FRMPD4: variants seen among roughly 807,000 people sequenced by gnomAD.
The protein encoded by FRMPD4 is FERM and PDZ domain-containing protein 4.
In FRMPD4, 22 loss-of-function variants were observed where a neutral mutation model predicts 94.1. That is an observed-to-expected ratio of 0.23 (90% CI 0.17 to 0.33). The LOEUF (loss-of-function observed/expected upper bound fraction) is 0.33. Ranked by LOEUF, FRMPD4 falls within the 10% of genes least tolerant of loss-of-function variation. The pLI is 1.00. For missense variants in FRMPD4, 1,111 were observed against 1,339.9 expected (o/e 0.83, Z 2.67); for synonymous variants, 631 against 548.6 (o/e 1.15, Z -2.10).
At chrX:11,999,818 T>A (rs1483109692) in intron 3 of FRMPD4, among the ~76,000 whole-genome samples, 1 of 111,768 alleles carries the variant, frequency 8.9e-6, no homozygotes, top group African/African-American at 3.3e-5. Context: ...CTCCCTCAAC[T>A]AAAAACCTCT....
intron 1 of FRMPD4, among the ~76,000 whole-genome samples, chrX:12,353,249 C>T (rs983691376): frequency 2.7e-4 from 30 of 111,994 alleles, no homozygotes; most frequent in African/African-American, 9.7e-4. Flanking sequence ...CTGTCATTGA[C>T]CAGCACAAGT....
At chrX:12,040,970 G>A (rs1284505557) in intron 3 of FRMPD4, among the ~76,000 whole-genome samples, 1 of 110,442 alleles carries the variant, frequency 9.1e-6, no homozygotes. Flanking sequence ...TTTCCCCATT[G>A]TTTTCTTAGT....
intron 4 of FRMPD4, among the ~76,000 whole-genome samples, chrX:12,632,258 A>G (rs891669030): frequency 1.3e-4 from 14 of 111,490 alleles, no homozygotes; most frequent in African/African-American, 4.6e-4. Flanking sequence ...GGATTTCCCA[A>G]CTTGAACCTG....
chrX:12,009,783 G>A lies in FRMPD4; in HGVS notation c.95+131765G>A, dbSNP rs550665878. On this transcript the variant is annotated intron_variant, in intron 3 of 18. Coordinates refer to the FRMPD4 transcript ENST00000640291. Reference sequence around the variant, plus strand: ...AATCAGTGTAACCAGCACAGGAAACGTACATTGCTTGTATCTTCTAAAGTG... The same window carrying A: ...AATCAGTGTAACCAGCACAGGAAACATACATTGCTTGTATCTTCTAAAGTG... Among the ~76,000 whole-genome samples the A allele has an allele frequency of 3.4e-3, 385 of 112,241 alleles. 2 individuals carry two copies. The highest frequency in any genetic ancestry group is 4.6e-3 in the Non-Finnish European group (247 of 53,214).
intron 2 of FRMPD4, among the ~76,000 whole-genome samples, chrX:12,527,439 C>T (rs1473713336): frequency 9.3e-6 from 1 of 107,346 alleles, no homozygotes; most frequent in Non-Finnish European, 1.9e-5. Flanking sequence ...GGGTTTAAGA[C>T]TTGCAATATT....
intron 1 of FRMPD4, among the ~76,000 whole-genome samples, chrX:12,455,369 T>C (rs755882975): frequency 8.9e-6 from 1 of 111,783 alleles, no homozygotes; most frequent in South Asian, 3.8e-4. Context: ...CAATTAGTTA[T>C]TGTTTAATTA....
chrX:11,894,583 C>T (rs896812602), intron 3 of FRMPD4, among the ~76,000 whole-genome samples: 1 of 112,128 alleles, frequency 8.9e-6, no homozygotes, highest in African/African-American at 3.2e-5. Context: ...CCAGTTACAT[C>T]GGTTTCTCTG....
intron 1 of FRMPD4, among the ~76,000 whole-genome samples, chrX:12,255,099 C>T (rs769649107): frequency 9.0e-6 from 1 of 111,451 alleles, no homozygotes; most frequent in East Asian, 2.8e-4. Context: ...TTAATTTTCC[C>T]GTAAATAAAA....
intron 3 of FRMPD4, among the ~76,000 whole-genome samples, chrX:12,018,851 C>A (rs1456772782): frequency 8.9e-6 from 1 of 112,088 alleles, no homozygotes; most frequent in East Asian, 2.8e-4. Context: ...CAGGTTAGGA[C>A]TTCAACATAT....
At chrX:12,671,499 A>G (rs1418284307) in intron 4 of FRMPD4, among the ~76,000 whole-genome samples, 1 of 110,523 alleles carries the variant, frequency 9.0e-6, no homozygotes, top group African/African-American at 3.3e-5. Flanking sequence ...AAAACCAAAT[A>G]CCGCATGTTA....
At chrX:12,079,291 C>T (rs184324054) in intron 3 of FRMPD4, among the ~76,000 whole-genome samples, 32 of 109,564 alleles carry the variant, frequency 2.9e-4, no homozygotes, top group African/African-American at 7.7e-4. Context: ...AATTCTCCAC[C>T]GCCGCCCCCT....
At chrX:12,087,338 C>T (rs1446922555) in intron 3 of FRMPD4, among the ~76,000 whole-genome samples, 8 of 111,752 alleles carry the variant, frequency 7.2e-5, no homozygotes, top group Non-Finnish European at 1.5e-4. Flanking sequence ...AAGCCTATTT[C>T]CTCCATTCCT....
intron 1 of FRMPD4, among the ~76,000 whole-genome samples, chrX:12,329,186 A>G (rs1055006765): frequency 2.0e-4 from 22 of 112,011 alleles, no homozygotes; most frequent in African/African-American, 6.8e-4. Context: ...TCTTCTTGGC[A>G]TCTCTAAGCA....
chrX:12,674,655 T>C (rs1023496293), intron 4 of FRMPD4, among the ~76,000 whole-genome samples: 8 of 112,038 alleles, frequency 7.1e-5, no homozygotes, highest in Admixed American at 9.4e-5. Flanking sequence ...AAGCTTTCAA[T>C]TGGGCAGTTT....
At chrX:11,880,637 C>T (rs992565677) in intron 3 of FRMPD4, among the ~76,000 whole-genome samples, 1 of 111,103 alleles carries the variant, frequency 9.0e-6, no homozygotes, top group Admixed American at 9.6e-5. Flanking sequence ...ATTGAATTCA[C>T]TTATTTTTAT....
intron 2 of FRMPD4, among the ~76,000 whole-genome samples, chrX:12,577,713 T>C (rs2148371815): frequency 9.0e-6 from 1 of 111,665 alleles, no homozygotes; most frequent in African/African-American, 3.2e-5. Context: ...AAAAGAAATG[T>C]GCCTGAACAT....
intron 2 of FRMPD4, among the ~76,000 whole-genome samples, chrX:12,587,826 G>A (rs1569352185): frequency 9.0e-6 from 1 of 111,675 alleles, no homozygotes; most frequent in Non-Finnish European, 1.9e-5. Context: ...GTACCTAGGA[G>A]TGGAATTGCT....
chrX:12,001,742 A>G (rs190514796), intron 3 of FRMPD4, among the ~76,000 whole-genome samples: 1 of 112,431 alleles, frequency 8.9e-6, no homozygotes, highest in Admixed American at 9.4e-5. Flanking sequence ...CAAAATTGAC[A>G]TATTTTTATC....
chrX:12,239,913 G>A (rs960606774), intron 1 of FRMPD4, among the ~76,000 whole-genome samples: 1 of 111,836 alleles, frequency 8.9e-6, no homozygotes, highest in Admixed American at 9.5e-5. Flanking sequence ...TGACCTCATC[G>A]CCTTTCAAAG....
Sources: allele counts gnomAD v4.1 joint callset (sites outside exome capture counted in the v4.1 genomes callset), GRCh38; gene constraint gnomAD v4.1.1; transcripts MANE v1.5; gene names NCBI Gene and HGNC (gene_info 2026-07-23, HGNC 2026-07-21).